The following GRIA4 variants were observed in gnomAD, a reference collection of about 807,000 sequenced individuals.
GRIA4 encodes glutamate receptor 4.
In GRIA4, 34 loss-of-function variants were observed where a neutral mutation model predicts 104.0. The ratio of observed to expected loss-of-function variants is 0.33; its 90% CI spans 0.25 to 0.44. GRIA4 has a LOEUF of 0.44. Among genes scored for constraint, GRIA4 ranks in the 20% least tolerant of loss-of-function variants. The pLI is 1.00. For synonymous variants in GRIA4, 386 were observed against 381.9 expected, an observed-to-expected ratio of 1.01 and a Z score of -0.13; for missense variants, 750 against 1,096.5, an observed-to-expected ratio of 0.68 and a Z score of 4.46.
intron 4 of GRIA4, among the ~76,000 whole-genome samples, chr11:105,776,061 T>C (rs937142747): frequency 2.2e-4 from 34 of 152,100 alleles, no homozygotes; most frequent in African/African-American, 6.3e-4. Flanking sequence ...GCCAGCTTAG[T>C]ATTTTGGAAA....
intron 4 of GRIA4, among the ~76,000 whole-genome samples, chr11:105,758,949 A>T: frequency 6.6e-6 from 1 of 152,200 alleles, no homozygotes; most frequent in Non-Finnish European, 1.5e-5. Flanking sequence ...GAGGACAGTC[A>T]TAATAATGCA....
intron 4 of GRIA4, among the ~76,000 whole-genome samples, chr11:105,764,293 C>A (rs543177490): frequency 6.6e-6 from 1 of 152,068 alleles, no homozygotes; most frequent in Non-Finnish European, 1.5e-5. Context: ...CCCACTACCA[C>A]GCCCAGCTAA....
intron 5 of GRIA4, among the ~76,000 whole-genome samples, chr11:105,876,839 C>G (rs1945845895): frequency 6.6e-6 from 1 of 152,154 alleles, no homozygotes; most frequent in Non-Finnish European, 1.5e-5. Context: ...CTGAATACAG[C>G]ACACCGATGG....
intron 3 of GRIA4, among the ~76,000 whole-genome samples, chr11:105,746,124 TTG>T (rs550603255): frequency 2.8e-4 from 42 of 150,560 alleles, no homozygotes; most frequent in African/African-American, 6.3e-4. Flanking sequence ...GTTTGCATGC[TTG>T]TGTGTGTGTG....
At chr11:105,751,943 A>G (rs1331949296) in intron 3 of GRIA4, among the ~76,000 whole-genome samples, 2 of 152,228 alleles carry the variant, frequency 1.3e-5, no homozygotes, top group South Asian at 2.1e-4. Flanking sequence ...ATCTAGCTAC[A>G]TAAGCCAAGA....
chr11:105,624,795 C>T (rs1950844068), intron 3 of GRIA4, among the ~76,000 whole-genome samples: 4 of 152,016 alleles, frequency 2.6e-5, no homozygotes, highest in Non-Finnish European at 5.9e-5. Flanking sequence ...TTTTCTCTGA[C>T]AACTAGGAAG....
intron 5 of GRIA4, among the ~76,000 whole-genome samples, chr11:105,877,582 T>C (rs543381312): frequency 6.6e-6 from 1 of 152,318 alleles, no homozygotes; most frequent in Non-Finnish European, 1.5e-5. Context: ...CATAGTCCCA[T>C]ATTTCTTGGA....
At chr11:105,868,892 G>A (rs1267419899) in intron 5 of GRIA4, among the ~76,000 whole-genome samples, 1 of 152,096 alleles carries the variant, frequency 6.6e-6, no homozygotes, top group Non-Finnish European at 1.5e-5. Context: ...GAAGAAACTC[G>A]AAAGATGTGA....
chr11:105,698,863 T>G (rs1452699214), intron 3 of GRIA4, among the ~76,000 whole-genome samples: 1 of 152,218 alleles, frequency 6.6e-6, no homozygotes, highest in Non-Finnish European at 1.5e-5. Context: ...ATTCCTTAGT[T>G]TTGCAGCTGC....
At chr11:105,611,795 T>C (rs1430549068) in intron 2 of GRIA4, among the ~76,000 whole-genome samples, 2 of 152,342 alleles carry the variant, frequency 1.3e-5, no homozygotes, top group South Asian at 2.1e-4. Context: ...TCATTTCTCG[T>C]GGACTGTGCA....
intron 2 of GRIA4, among the ~76,000 whole-genome samples, chr11:105,611,344 G>T (rs1373723986): frequency 1.3e-5 from 2 of 151,990 alleles, no homozygotes; most frequent in Admixed American, 1.3e-4. Context: ...CGCTTAAGTA[G>T]GATTGAAATA....
intron 3 of GRIA4, among the ~76,000 whole-genome samples, chr11:105,649,190 G>T (rs1235405438): frequency 6.6e-6 from 1 of 151,896 alleles, no homozygotes; most frequent in African/African-American, 2.4e-5. Flanking sequence ...AGATATCTTA[G>T]GAAGAAATCA....
rs1948802116 is a variant in GRIA4 at position 105,964,075 on chromosome 11, A to C, written c.2295-7839A>C. On this transcript the variant is annotated intron_variant, in intron 14 of 16. Coordinates refer to ENST00000282499, the MANE Select transcript of GRIA4 (RefSeq NM_000829.4). ...TTTAGTTCCTCACAGACACAAAATA[A>C]ATTAAAACAATTCCTTTTTTCCCAG... is the stretch of plus-strand genomic sequence containing the variant. 2.0e-5 allele frequency among the ~76,000 whole-genome samples: 3 copies of C among 152,160 alleles called. No individual in the cohort carries two copies. In the South Asian group the frequency reaches 6.2e-4, roughly 31 times the overall value.
chr11:105,625,271 G>A (rs963521555), intron 3 of GRIA4, among the ~76,000 whole-genome samples: 12 of 152,058 alleles, frequency 7.9e-5, no homozygotes, highest in African/African-American at 2.9e-4. Flanking sequence ...TTAATGTTCT[G>A]TACTCATATG....
At chr11:105,749,562 C>G (rs1403133267) in intron 3 of GRIA4, among the ~76,000 whole-genome samples, 1 of 152,160 alleles carries the variant, frequency 6.6e-6, no homozygotes, top group Non-Finnish European at 1.5e-5. Flanking sequence ...ACTTGAGAAA[C>G]ACTGAGCTAA....
chr11:105,708,620 A>G (rs534516729), intron 3 of GRIA4, among the ~76,000 whole-genome samples: 27 of 152,246 alleles, frequency 1.8e-4, no homozygotes, highest in Non-Finnish European at 3.2e-4. Context: ...ACGGTACACT[A>G]GTTAATAATT....
At chr11:105,785,486 C>T (rs1188978291) in intron 4 of GRIA4, among the ~76,000 whole-genome samples, 3 of 152,042 alleles carry the variant, frequency 2.0e-5, no homozygotes, top group Non-Finnish European at 4.4e-5. Flanking sequence ...CTATAAAGTA[C>T]CAATGGGCAT....
intron 16 of GRIA4, among the ~76,000 whole-genome samples, chr11:105,976,984 T>A (rs1007671952): frequency 4.6e-5 from 7 of 151,822 alleles, no homozygotes; most frequent in African/African-American, 1.7e-4. Context: ...AATAGGAGGG[T>A]GTATTTGAGA....
intron 3 of GRIA4, among the ~76,000 whole-genome samples, chr11:105,720,867 T>C (rs930777026): frequency 6.6e-6 from 1 of 152,176 alleles, no homozygotes; most frequent in Non-Finnish European, 1.5e-5. Flanking sequence ...CCCCTAGGTA[T>C]AGCAGGAATA....
Sources: allele counts gnomAD v4.1 joint callset (sites outside exome capture counted in the v4.1 genomes callset), GRCh38; gene constraint gnomAD v4.1.1; transcripts MANE v1.5; gene names NCBI Gene and HGNC (gene_info 2026-07-23, HGNC 2026-07-21).